CARMIL1: variants seen among roughly 807,000 people sequenced by gnomAD.
The protein encoded by CARMIL1 is F-actin-uncapping protein LRRC16A.
Under a neutral mutation model 177.1 loss-of-function variants are expected in CARMIL1, and 90 were observed. The ratio of observed to expected loss-of-function variants is 0.51; its 90% CI spans 0.43 to 0.61. The LOEUF is 0.61. CARMIL1 is among the 20% of genes least tolerant of loss of function. The pLI is 0.00. For missense variants in CARMIL1, 1,380 were observed against 1,667.0 expected, an observed-to-expected ratio of 0.83 and a Z score of 3.00; for synonymous variants, 577 against 606.2, an observed-to-expected ratio of 0.95 and a Z score of 0.71.
intron 11 of CARMIL1, among the ~76,000 whole-genome samples, chr6:25,475,435 A>G (rs979222159): frequency 2.0e-5 from 3 of 152,118 alleles, no homozygotes; most frequent in Admixed American, 6.5e-5. Flanking sequence ...CAAATCTGCC[A>G]TATAACCCAG....
chr6:25,279,505 G>A lies in CARMIL1; in HGVS notation c.-291G>A, dbSNP rs1780895843. Reference sequence around the variant, plus strand: ...GAGGAGCAGGCGCCACAGCCGCCCCGCGCCCCGCGCCCGCTTGTAATCCGG... The same window carrying A: ...GAGGAGCAGGCGCCACAGCCGCCCCACGCCCCGCGCCCGCTTGTAATCCGG... On this transcript the variant is annotated 5_prime_UTR_variant, in exon 1 of 37. Coordinates refer to ENST00000329474, the MANE Select transcript of CARMIL1 (RefSeq NM_017640.6). The A allele has an allele frequency of 4.1e-6, 2 of 493,306 alleles. No homozygotes were observed. The highest frequency in any genetic ancestry group is 7.3e-6 in the Non-Finnish European group (2 of 272,378). 30.6% of individuals were successfully genotyped at this position (493,306 alleles called of 1,614,324 possible).
chr6:25,522,609 G>A lies in CARMIL1; in HGVS notation c.1968+2272G>A, dbSNP rs1349763145. ...GGCTCATCCAGGAAGACCTCTCAGAGGCCCTTTCCTTCTCTAGGTGTGTGG... is the reference window on the plus strand; with the variant it reads ...GGCTCATCCAGGAAGACCTCTCAGAAGCCCTTTCCTTCTCTAGGTGTGTGG... On this transcript the variant is annotated intron_variant, in intron 23 of 36. Transcript: ENST00000329474. Among the ~76,000 whole-genome samples, 9 of 152,156 alleles carry A rather than the reference G, an allele frequency of 5.9e-5. No homozygotes were observed. The East Asian group carries it at 1.2e-3, about 20-fold the overall frequency.
At chr6:25,371,468 G>A (rs1790423910) in intron 2 of CARMIL1, among the ~76,000 whole-genome samples, 1 of 152,148 alleles carries the variant, frequency 6.6e-6, no homozygotes. Context: ...GGGGTAAGGT[G>A]GTATCTTGTT....
chr6:25,285,649 A>T (rs1781464889), intron 2 of CARMIL1, among the ~76,000 whole-genome samples: 1 of 138,254 alleles, frequency 7.2e-6, no homozygotes, highest in Non-Finnish European at 1.5e-5. Flanking sequence ...TGGAGAGAAT[A>T]CTGTTTAACT....
chr6:25,463,892 G>T (rs549671925), intron 8 of CARMIL1, among the ~76,000 whole-genome samples: 3 of 134,318 alleles, frequency 2.2e-5, no homozygotes, highest in East Asian at 4.5e-4. Context: ...GCCTGATCTC[G>T]GCTCACTGCA....
chr6:25,412,231 C>T (rs1794964851), intron 2 of CARMIL1, among the ~76,000 whole-genome samples: 1 of 152,218 alleles, frequency 6.6e-6, no homozygotes, highest in South Asian at 2.1e-4. Flanking sequence ...GGTGTATTAA[C>T]TCATTTAACC....
intron 2 of CARMIL1, among the ~76,000 whole-genome samples, chr6:25,346,680 G>T (rs1040663463): frequency 5.3e-5 from 8 of 152,116 alleles, no homozygotes; most frequent in African/African-American, 1.9e-4. Context: ...GGCGTAGTTT[G>T]TGTCATGGTA....
intron 4 of CARMIL1, among the ~76,000 whole-genome samples, chr6:25,431,109 C>T (rs1242920870): frequency 6.6e-6 from 1 of 152,172 alleles, no homozygotes; most frequent in African/African-American, 2.4e-5. Context: ...TGGTGCGCTG[C>T]ACCCACTAAC....
At chr6:25,291,816 A>G (rs1001717906) in intron 2 of CARMIL1, among the ~76,000 whole-genome samples, 8 of 152,202 alleles carry the variant, frequency 5.3e-5, no homozygotes, top group Non-Finnish European at 7.3e-5. Flanking sequence ...CTCTGGTTGC[A>G]TGGAATAGAG....
chr6:25,586,459 T>G (rs1362295450), intron 31 of CARMIL1, among the ~76,000 whole-genome samples: 2 of 138,444 alleles, frequency 1.4e-5, no homozygotes, highest in African/African-American at 3.0e-5. Context: ...GAGGCGCTCC[T>G]CACTTCCCAG....
intron 4 of CARMIL1, 84 bp from the exon 5 acceptor site, chr6:25,435,399 A>T: frequency 6.9e-7 from 1 of 1,443,922 alleles, no homozygotes; most frequent in Non-Finnish European, 9.2e-7. Flanking sequence ...TATCTGTGTG[A>T]CTATGTAGTT....
At chr6:25,376,841 C>T (rs1411536945) in intron 2 of CARMIL1, among the ~76,000 whole-genome samples, 1 of 152,154 alleles carries the variant, frequency 6.6e-6, no homozygotes, top group Non-Finnish European at 1.5e-5. Context: ...GCAGAGGTCC[C>T]AGCCTTGATA....
intron 2 of CARMIL1, among the ~76,000 whole-genome samples, chr6:25,297,456 C>T (rs778070029): frequency 1.3e-5 from 2 of 152,164 alleles, no homozygotes; most frequent in South Asian, 2.1e-4. Context: ...AACCCTCTAT[C>T]ATTTTACTCT....
chr6:25,311,784 G>A (rs985403108), intron 2 of CARMIL1, among the ~76,000 whole-genome samples: 11 of 152,198 alleles, frequency 7.2e-5, no homozygotes, highest in Non-Finnish European at 1.6e-4. Flanking sequence ...ATACCCTTGT[G>A]GGTGTGTCAT....
At chr6:25,527,972 T>C (rs1807331951) in intron 23 of CARMIL1, among the ~76,000 whole-genome samples, 1 of 152,208 alleles carries the variant, frequency 6.6e-6, no homozygotes, top group Non-Finnish European at 1.5e-5. Context: ...TTTTTAAAAA[T>C]AGATGACAAA....
chr6:25,503,218 C>T (rs567678002), intron 17 of CARMIL1, among the ~76,000 whole-genome samples: 5 of 152,054 alleles, frequency 3.3e-5, no homozygotes, highest in South Asian at 2.1e-4. Flanking sequence ...TTGATACTGC[C>T]GACATGGGGA....
intron 2 of CARMIL1, among the ~76,000 whole-genome samples, chr6:25,286,596 T>G (rs757572577): frequency 2.8e-4 from 43 of 152,234 alleles, no homozygotes; most frequent in Non-Finnish European, 6.0e-4. Context: ...GAAGAAATAT[T>G]GTTTCTGTCA....
chr6:25,479,327 A>G (rs1801877485), intron 11 of CARMIL1: 1 of 467,034 alleles, frequency 2.1e-6, no homozygotes, highest in East Asian at 5.6e-5. Context: ...TTTTAATAAT[A>G]GATTTGTTTC....
intron 22 of CARMIL1, among the ~76,000 whole-genome samples, chr6:25,518,857 T>C (rs1329151368): frequency 6.6e-6 from 1 of 152,124 alleles, no homozygotes; most frequent in Non-Finnish European, 1.5e-5. Context: ...ATGATAGAAA[T>C]TGGATGAGGG....
Sources: allele counts gnomAD v4.1 joint callset (sites outside exome capture counted in the v4.1 genomes callset), GRCh38; gene constraint gnomAD v4.1.1; transcripts MANE v1.5; gene names NCBI Gene and HGNC (gene_info 2026-07-23, HGNC 2026-07-21).